ZBTB20: variants seen among roughly 807,000 people sequenced by gnomAD.
The protein encoded by ZBTB20 is zinc finger and BTB domain-containing protein 20.
In ZBTB20, 9 loss-of-function variants were observed where a neutral mutation model predicts 56.9. That is an observed-to-expected ratio of 0.16 (90% CI 0.10 to 0.28). The LOEUF is 0.28. ZBTB20 is among the 10% of genes least tolerant of loss of function. ZBTB20 has a pLI of 1.00. For synonymous variants in ZBTB20, 417 were observed against 420.7 expected (o/e 0.99, Z 0.11); for missense variants, 655 against 1,003.0 (o/e 0.65, Z 4.69).
At chr3:114,852,426 G>T (rs2075049200) in intron 4 of ZBTB20, among the ~76,000 whole-genome samples, 1 of 151,682 alleles carries the variant, frequency 6.6e-6, no homozygotes, top group South Asian at 2.1e-4. Context: ...ACCATGCCCG[G>T]CTAATTTTTG....
intron 4 of ZBTB20, among the ~76,000 whole-genome samples, chr3:114,802,553 G>C (rs969339580): frequency 1.3e-5 from 2 of 151,816 alleles, no homozygotes; most frequent in African/African-American, 4.8e-5. Context: ...GGCTAAAAAT[G>C]AACCAGCGTA....
rs2078848815 is a variant in ZBTB20, at chr3:114,320,286, A to C, written c.*18719T>G. 6.6e-6 allele frequency: 1 copy of C among 152,162 alleles called. No homozygotes were observed. Among genetic ancestry groups the C allele is most frequent in the East Asian group, 1.9e-4 (1 of 5,204 alleles). 9.4% of individuals were successfully genotyped at this position (152,162 alleles called of 1,614,324 possible). A position where few individuals can be genotyped will look rare whatever the true frequency, so the allele number is the denominator to read the frequency against. The stretch of plus-strand genomic sequence containing the variant: ...TTGTTTCTGATTTTTTAAACAGTGA[A>C]ATATGTCCAATTTTATTTCCAGTGC... On this transcript the variant is annotated 3_prime_UTR_variant, in exon 12 of 12. Coordinates refer to ENST00000675478, the MANE Select transcript of ZBTB20 (RefSeq NM_001348800.3).
intron 2 of ZBTB20, among the ~76,000 whole-genome samples, chr3:115,036,294 T>C (rs896573368): frequency 2.6e-5 from 4 of 151,396 alleles, no homozygotes; most frequent in Non-Finnish European, 5.9e-5. Context: ...GCTTTGTGAT[T>C]TTTTTTTCTT....
At chr3:114,918,422 A>T (rs1426798910) in intron 3 of ZBTB20, among the ~76,000 whole-genome samples, 3 of 151,852 alleles carry the variant, frequency 2.0e-5, no homozygotes. Flanking sequence ...GTTTTTCTCA[A>T]GCAGAAGTAG....
chr3:114,546,982 A>G (rs1490575697), intron 6 of ZBTB20, among the ~76,000 whole-genome samples: 2 of 152,212 alleles, frequency 1.3e-5, no homozygotes, highest in African/African-American at 2.4e-5. Context: ...ACATAGAGAA[A>G]GCAGAGCAGT....
intron 7 of ZBTB20, among the ~76,000 whole-genome samples, chr3:114,458,174 G>A (rs2092133230): frequency 6.6e-6 from 1 of 152,200 alleles, no homozygotes; most frequent in South Asian, 2.1e-4. Context: ...TTTGAGGACA[G>A]TGTTAGCACA....
At chr3:114,587,770 T>G (rs1356793389) in intron 6 of ZBTB20, among the ~76,000 whole-genome samples, 1 of 152,202 alleles carries the variant, frequency 6.6e-6, no homozygotes, top group Non-Finnish European at 1.5e-5. Context: ...TTTTCTCTCT[T>G]GCTTACTGGA....
intron 5 of ZBTB20, among the ~76,000 whole-genome samples, chr3:114,769,861 C>A (rs1271599504): frequency 6.6e-6 from 1 of 151,862 alleles, no homozygotes. Context: ...GAGTTTGAGA[C>A]CAGCCTGGCC....
At chr3:114,911,681 T>C (rs1200635294) in intron 3 of ZBTB20, among the ~76,000 whole-genome samples, 1 of 151,466 alleles carries the variant, frequency 6.6e-6, no homozygotes, top group African/African-American at 2.4e-5. Flanking sequence ...AAAGAATTGA[T>C]GAACATGATG....
chr3:115,034,716 A>G (rs1206016656), intron 2 of ZBTB20, among the ~76,000 whole-genome samples: 2 of 151,886 alleles, frequency 1.3e-5, no homozygotes, highest in African/African-American at 4.8e-5. Flanking sequence ...GAAATAGAAA[A>G]ACTCATCCCA....
chr3:114,390,994 T>G (rs985765131), intron 7 of ZBTB20, among the ~76,000 whole-genome samples: 7 of 152,132 alleles, frequency 4.6e-5, no homozygotes, highest in Non-Finnish European at 8.8e-5. Context: ...TTCTTCCGTT[T>G]TTTTTTTCTT....
At chr3:114,909,494 T>C (rs1162176245) in intron 3 of ZBTB20, among the ~76,000 whole-genome samples, 1 of 152,048 alleles carries the variant, frequency 6.6e-6, no homozygotes, top group African/African-American at 2.4e-5. Context: ...AAGTGTACAG[T>C]GTTTATAAAG....
intron 1 of ZBTB20, among the ~76,000 whole-genome samples, chr3:115,085,698 A>G (rs1256931313): frequency 1.3e-5 from 2 of 151,912 alleles, no homozygotes; most frequent in East Asian, 3.9e-4. Flanking sequence ...TTTAAGCTTA[A>G]TATGCCACAT....
intron 7 of ZBTB20, among the ~76,000 whole-genome samples, chr3:114,439,954 G>A (rs1297757514): frequency 6.6e-6 from 1 of 152,142 alleles, no homozygotes; most frequent in African/African-American, 2.4e-5. Context: ...GGCCATTAGG[G>A]TCCATAAGTA....
intron 7 of ZBTB20, among the ~76,000 whole-genome samples, chr3:114,442,874 C>T (rs1367455064): frequency 1.3e-5 from 2 of 152,204 alleles, no homozygotes; most frequent in East Asian, 3.9e-4. Flanking sequence ...TTCATCATTT[C>T]CATTTTTTAG....
At chr3:114,628,640 C>T (rs1343724976) in intron 6 of ZBTB20, among the ~76,000 whole-genome samples, 2 of 152,118 alleles carry the variant, frequency 1.3e-5, no homozygotes, top group Non-Finnish European at 2.9e-5. Flanking sequence ...GCCAAGAGGA[C>T]GATCTGTCAT....
intron 1 of ZBTB20, among the ~76,000 whole-genome samples, chr3:115,127,906 ATAAGAAT>A (rs2084378757): frequency 6.6e-6 from 1 of 152,214 alleles, no homozygotes; most frequent in African/African-American, 2.4e-5. Context: ...AACTGAAATA[ATAAGAAT>A]TAAGAGAAGA....
At chr3:114,569,531 A>G (rs745906285) in intron 6 of ZBTB20, among the ~76,000 whole-genome samples, 13 of 152,340 alleles carry the variant, frequency 8.5e-5, no homozygotes, top group Admixed American at 2.6e-4. Context: ...ACCGCAGATC[A>G]GTCAGGTCTC....
At chr3:115,022,989 C>A (rs2108310194) in intron 2 of ZBTB20, among the ~76,000 whole-genome samples, 1 of 151,018 alleles carries the variant, frequency 6.6e-6, no homozygotes, top group Non-Finnish European at 1.5e-5. Context: ...GATGAAGAAA[C>A]AATGAGACCA....
Sources: allele counts gnomAD v4.1 joint callset (sites outside exome capture counted in the v4.1 genomes callset), GRCh38; gene constraint gnomAD v4.1.1; transcripts MANE v1.5; gene names NCBI Gene and HGNC (gene_info 2026-07-23, HGNC 2026-07-21).